FSTL4: variants seen among roughly 807,000 people sequenced by gnomAD.
FSTL4 encodes the protein follistatin-related protein 4.
A neutral mutation model predicts 78.2 loss-of-function variants in FSTL4; 28 were observed. That is an observed-to-expected ratio of 0.36 (90% CI 0.27 to 0.49). The LOEUF (loss-of-function observed/expected upper bound fraction) is 0.49, where lower values mean the gene tolerates loss of function less well. FSTL4 is among the 20% of genes least tolerant of loss of function. The probability of loss-of-function intolerance (pLI) is 0.98; values close to 1 mark genes in which losing one functional copy is unlikely to be tolerated. For missense variants in FSTL4, 922 were observed against 1,084.9 expected (o/e 0.85, Z 2.11); for synonymous variants, 422 against 440.5 (o/e 0.96, Z 0.53).
rs115260747 is a variant in FSTL4, at chr5:133,398,527, G to A, written c.409+2211C>T. On this transcript the variant is annotated intron_variant, in intron 4 of 15. Coordinates refer to ENST00000265342, the MANE Select transcript of FSTL4 (RefSeq NM_015082.2). The stretch of plus-strand genomic sequence containing the variant: ...ACAGAACCCTTGCTCCTGCCTCTGC[G>A]TTCTTCACAGTTTGTGCATCTCTCT... Among the ~76,000 whole-genome samples, 1,096 of 152,282 alleles carry A rather than the reference G, an allele frequency of 7.2e-3. 10 individuals are homozygous for A. The highest frequency in any genetic ancestry group is 0.025 in the African/African-American group (1,038 of 41,556).
chr5:133,838,321 A>G, the FSTL4 span, among the ~76,000 whole-genome samples: 1 of 152,232 alleles, frequency 6.6e-6, no homozygotes, highest in Non-Finnish European at 1.5e-5. Context: ...CAGCAAAACA[A>G]ATTCCCCTAA....
the FSTL4 span, among the ~76,000 whole-genome samples, chr5:133,689,509 A>G: frequency 0.027 from 4,069 of 152,290 alleles, 185 homozygotes; most frequent in African/African-American, 0.093. Flanking sequence ...TATGTGTGAG[A>G]AAGATTATTT....
At chr5:133,724,697 T>C in the FSTL4 span, among the ~76,000 whole-genome samples, 4 of 152,234 alleles carry the variant, frequency 2.6e-5, no homozygotes, top group African/African-American at 9.6e-5. Flanking sequence ...ACAGTATCTT[T>C]AAAAGAACAT....
chr5:133,292,878 A>G (rs1261582214), intron 6 of FSTL4, among the ~76,000 whole-genome samples: 3 of 152,218 alleles, frequency 2.0e-5, no homozygotes, highest in African/African-American at 4.8e-5. Flanking sequence ...GATAATTTAG[A>G]AGCTCCTGAT....
chr5:133,309,009 A>C (rs755779926), intron 6 of FSTL4, among the ~76,000 whole-genome samples: 1 of 152,244 alleles, frequency 6.6e-6, no homozygotes, highest in African/African-American at 2.4e-5. Flanking sequence ...ATGAATTTGA[A>C]GTGAGAAAAA....
intron 6 of FSTL4, among the ~76,000 whole-genome samples, chr5:133,276,369 C>T (rs1032835457): frequency 4.6e-5 from 7 of 152,318 alleles, no homozygotes; most frequent in South Asian, 4.1e-4. Flanking sequence ...GGCAGGGCCC[C>T]GGAAGGTCTG....
At chr5:133,839,583 G>A in the FSTL4 span, among the ~76,000 whole-genome samples, 1 of 152,164 alleles carries the variant, frequency 6.6e-6, no homozygotes, top group Non-Finnish European at 1.5e-5. Context: ...CATGAACATT[G>A]TACAGAACAT....
intron 7 of FSTL4, among the ~76,000 whole-genome samples, chr5:133,241,508 C>T (rs1246627064): frequency 6.6e-6 from 1 of 152,236 alleles, no homozygotes; most frequent in Non-Finnish European, 1.5e-5. Flanking sequence ...CTGAGCCCTC[C>T]ACTTGTCCAC....
intron 3 of FSTL4, among the ~76,000 whole-genome samples, chr5:133,480,420 T>G (rs1229293641): frequency 6.6e-6 from 1 of 152,196 alleles, no homozygotes; most frequent in Non-Finnish European, 1.5e-5. Context: ...TGCTTCATGG[T>G]CATCCTGCGG....
chr5:133,441,371 C>G (rs1757156420), intron 3 of FSTL4, among the ~76,000 whole-genome samples: 1 of 152,116 alleles, frequency 6.6e-6, no homozygotes, highest in African/African-American at 2.4e-5. Flanking sequence ...CTGGTAGCAC[C>G]CCGAGGGGAG....
chr5:133,520,514 T>C lies in FSTL4; in HGVS notation c.160+46672A>G, dbSNP rs74362950. The stretch of plus-strand genomic sequence containing the variant: ...GACACAAAGGACCTGCCCTGGAGTG[T>C]AGCACTTCAGGAAGAAAAAATGGTG... On this transcript the variant is annotated intron_variant, in intron 3 of 15. Transcript: ENST00000265342. Among the ~76,000 whole-genome samples, 851 of 152,216 alleles carry C rather than the reference T, an allele frequency of 5.6e-3. 11 individuals carry two copies. Among genetic ancestry groups the C allele is most frequent in the African/African-American group, 0.02 (818 of 41,534 alleles).
chr5:133,629,074 C>G, the FSTL4 span, among the ~76,000 whole-genome samples: 1 of 149,716 alleles, frequency 6.7e-6, no homozygotes, highest in South Asian at 2.2e-4. Flanking sequence ...ATGCTTCCAG[C>G]TTTTGCCCAT....
At chr5:133,567,536 G>T (rs1760054616) in intron 2 of FSTL4, among the ~76,000 whole-genome samples, 1 of 152,216 alleles carries the variant, frequency 6.6e-6, no homozygotes, top group South Asian at 2.1e-4. Context: ...CTTCCAGGTT[G>T]ATGACCCACC....
At chr5:133,678,917 C>T in the FSTL4 span, among the ~76,000 whole-genome samples, 1 of 152,120 alleles carries the variant, frequency 6.6e-6, no homozygotes, top group Non-Finnish European at 1.5e-5. Context: ...AGGATACGGA[C>T]AGAGAATCCT....
At chr5:133,696,010 A>T in the FSTL4 span, among the ~76,000 whole-genome samples, 1 of 152,156 alleles carries the variant, frequency 6.6e-6, no homozygotes, top group African/African-American at 2.4e-5. Context: ...CTCCATCTCC[A>T]TTTAAACTCT....
At chr5:133,459,501 T>C (rs1269759359) in intron 3 of FSTL4, among the ~76,000 whole-genome samples, 2 of 152,230 alleles carry the variant, frequency 1.3e-5, no homozygotes, top group African/African-American at 4.8e-5. Context: ...TAAAATAATG[T>C]TTTTTTAAAA....
chr5:133,317,301 G>A (rs1021818163), intron 4 of FSTL4, among the ~76,000 whole-genome samples: 3 of 152,246 alleles, frequency 2.0e-5, no homozygotes, highest in Admixed American at 6.5e-5. Flanking sequence ...GTTTGGGGAA[G>A]TAAAGCCTGG....
chr5:133,728,536 T>C, the FSTL4 span, among the ~76,000 whole-genome samples: 1 of 152,134 alleles, frequency 6.6e-6, no homozygotes, highest in African/African-American at 2.4e-5. Flanking sequence ...CACCTCCAAA[T>C]CAAGGGATAG....
intron 4 of FSTL4, among the ~76,000 whole-genome samples, chr5:133,344,508 A>C (rs1441812323): frequency 6.6e-6 from 1 of 152,216 alleles, no homozygotes; most frequent in Non-Finnish European, 1.5e-5. Context: ...TGTTTGAAGG[A>C]GATTATTTTA....
Sources: gnomAD v4.1 joint callset for allele counts (sites outside exome capture counted in the v4.1 genomes callset) on GRCh38, gnomAD v4.1.1 for gene constraint, MANE v1.5 for transcripts, NCBI Gene and HGNC (gene_info 2026-07-23, HGNC 2026-07-21) for gene names.